Variants in TSPEAR observed in about 807,000 individuals in gnomAD.
TSPEAR encodes the protein thrombospondin-type laminin G domain and EAR repeat-containing protein.
Under a neutral mutation model 71.6 loss-of-function variants are expected in TSPEAR, and 69 were observed. The observed-to-expected ratio is 0.96, with a 90% confidence interval of 0.79 to 1.18. The LOEUF (loss-of-function observed/expected upper bound fraction) is 1.18. Ranked by LOEUF, TSPEAR falls within the 50% of genes most tolerant of loss-of-function variation. TSPEAR has a pLI of 0.00. For synonymous variants in TSPEAR, 402 were observed against 387.2 expected, an observed-to-expected ratio of 1.04 and a Z score of -0.45; for missense variants, 971 against 894.9, an observed-to-expected ratio of 1.09 and a Z score of -1.09.
At chr21:44,551,620 C>T (rs1423607998) in intron 2 of TSPEAR, 26 of 1,037,230 alleles carry the variant, frequency 2.5e-5, no homozygotes, top group Non-Finnish European at 3.0e-5. Flanking sequence ...CCTCCACTTC[C>T]GTGTTGGTGT....
chr21:44,654,742 G>A, intron 1 of TSPEAR: 1 of 646,480 alleles, frequency 1.5e-6, no homozygotes, highest in East Asian at 2.8e-5. Flanking sequence ...CTCGTGGGTG[G>A]TTTTTCCTCC....
chr21:44,644,997 A>G (rs114349948), intron 1 of TSPEAR, among the ~76,000 whole-genome samples: 1,913 of 152,328 alleles, frequency 0.013, 46 homozygotes, highest in African/African-American at 0.043. Context: ...GCAACACTGG[A>G]CATCACAAAA....
At chr21:44,568,138 C>T in intron 1 of TSPEAR, 133 bp from the exon 2 acceptor site, 1 of 540,582 alleles carries the variant, frequency 1.8e-6, no homozygotes, top group Non-Finnish European at 2.9e-6. Context: ...AGCTGTGAAC[C>T]AAGGTTATCT....
At chr21:44,613,959 C>T (rs1981899481) in intron 1 of TSPEAR, among the ~76,000 whole-genome samples, 1 of 152,160 alleles carries the variant, frequency 6.6e-6, no homozygotes, top group Non-Finnish European at 1.5e-5. Context: ...GGTCAGGGGT[C>T]CACACGGCTC....
intron 1 of TSPEAR, among the ~76,000 whole-genome samples, chr21:44,575,580 T>A (rs1978384217): frequency 6.6e-6 from 1 of 152,228 alleles, no homozygotes; most frequent in Non-Finnish European, 1.5e-5. Context: ...TCCCTAACCC[T>A]CCTGTGTTGT....
intron 1 of TSPEAR, chr21:44,690,723 G>A (rs1376993174): frequency 7.2e-6 from 3 of 414,892 alleles, no homozygotes; most frequent in African/African-American, 6.5e-5. Context: ...CTAAGGCTAA[G>A]TAGCATGTAT....
chr21:44,672,009 C>T (rs1555946027), intron 1 of TSPEAR, among the ~76,000 whole-genome samples: 1 of 151,716 alleles, frequency 6.6e-6, no homozygotes, highest in African/African-American at 2.4e-5. Flanking sequence ...ATATCATAAC[C>T]AAAGAATCCA....
chr21:44,711,417 C>A lies in TSPEAR; in HGVS notation c.82+16G>T. On this transcript the variant is annotated intron_variant, in intron 1 of 11. Coordinates refer to ENST00000323084, the MANE Select transcript of TSPEAR (RefSeq NM_144991.3). The surrounding 1 kb of genome is among the most constrained non-coding windows in gnomAD (Gnocchi z 4.5). ...GGCAAGATACCCCCGCCCGAGTTCC[C>A]ATGCCCCTGCCTTACCTGTGCAGGG... 1 of 1,581,984 alleles carries A rather than the reference C, an allele frequency of 6.3e-7. No individual in the cohort carries two copies. Among genetic ancestry groups the A allele is most frequent in the East Asian group, 2.3e-5 (1 of 43,338 alleles).
rs782416853 is a variant in TSPEAR, at chr21:44,558,551, G to A, written c.303+9234C>T. The A allele has an allele frequency of 5.0e-6, 8 of 1,613,234 alleles. No homozygotes were observed. In the South Asian group the frequency reaches 7.7e-5, roughly 16 times the overall value. On this transcript the variant is annotated intron_variant, in intron 2 of 11. Transcript: ENST00000323084. ...GCTCACAGGCCGCCTGGCAGCAGGG[G>A]CTGGACACACAGCTCACTGGGGTGC...
chr21:44,517,958 T>C, intron 9 of TSPEAR: 1 of 422,986 alleles, frequency 2.4e-6, no homozygotes, highest in South Asian at 1.7e-5. Context: ...TTCTTTTTTT[T>C]CTAGAACTTT....
At chr21:44,663,222 T>C (rs1377168624) in intron 1 of TSPEAR, among the ~76,000 whole-genome samples, 1 of 150,798 alleles carries the variant, frequency 6.6e-6, no homozygotes, top group Non-Finnish European at 1.5e-5. Flanking sequence ...GGTAAAATTA[T>C]AATAAAAAGA....
At chr21:44,548,248 T>C (rs1432981651) in intron 2 of TSPEAR, among the ~76,000 whole-genome samples, 2 of 152,134 alleles carry the variant, frequency 1.3e-5, no homozygotes, top group Non-Finnish European at 2.9e-5. Context: ...GCATCCCACA[T>C]CAGAAACTCG....
At chr21:44,584,999 A>G (rs782210560) in intron 1 of TSPEAR, among the ~76,000 whole-genome samples, 1 of 152,148 alleles carries the variant, frequency 6.6e-6, no homozygotes, top group Non-Finnish European at 1.5e-5. Context: ...TTCTTTTTCA[A>G]TCTTTAATGT....
intron 2 of TSPEAR, among the ~76,000 whole-genome samples, chr21:44,534,152 G>A (rs1169792243): frequency 1.0e-5 from 1 of 95,754 alleles, no homozygotes; most frequent in Middle Eastern, 3.8e-3. Flanking sequence ...TAGGGCTGGT[G>A]CCAGGGGTGG....
At chr21:44,661,566 T>C (rs1985498990) in intron 1 of TSPEAR, among the ~76,000 whole-genome samples, 1 of 152,202 alleles carries the variant, frequency 6.6e-6, no homozygotes, top group African/African-American at 2.4e-5. Flanking sequence ...ATCGCCTTGC[T>C]ATAAGGAAAT....
At chr21:44,694,290 CA>C (rs1427217254) in intron 1 of TSPEAR, among the ~76,000 whole-genome samples, 1 of 152,136 alleles carries the variant, frequency 6.6e-6, no homozygotes, top group Non-Finnish European at 1.5e-5. Context: ...AACATTGTGC[CA>C]AGTGAAATAA....
intron 10 of TSPEAR, chr21:44,508,356 A>G: frequency 2.4e-6 from 1 of 424,276 alleles, no homozygotes; most frequent in Non-Finnish European, 3.2e-6. Flanking sequence ...CCCAGTGCCC[A>G]GGAGGGGCAG....
chr21:44,512,110 C>T (rs1001505421), intron 9 of TSPEAR, among the ~76,000 whole-genome samples: 2 of 152,222 alleles, frequency 1.3e-5, no homozygotes, highest in Non-Finnish European at 2.9e-5. Context: ...GACAGACACA[C>T]AGGACTGAGG....
At chr21:44,502,046 T>C (rs2052041725) in intron 11 of TSPEAR, among the ~76,000 whole-genome samples, 1 of 152,236 alleles carries the variant, frequency 6.6e-6, no homozygotes, top group African/African-American at 2.4e-5. Context: ...AGCCAGTGGC[T>C]TATTCAATAA....
Sources: allele counts gnomAD v4.1 joint callset (sites outside exome capture counted in the v4.1 genomes callset), GRCh38; gene constraint gnomAD v4.1.1; non-coding constraint Gnocchi (gnomAD v3.1); transcripts MANE v1.5; gene names NCBI Gene and HGNC (gene_info 2026-07-23, HGNC 2026-07-21).